The following MYOM1 variants were observed in gnomAD, a reference collection of about 807,000 sequenced individuals.
MYOM1 encodes the protein myomesin 1.
In MYOM1, 164 loss-of-function variants were observed where a neutral mutation model predicts 205.3. The observed-to-expected ratio is 0.80, with a 90% CI of 0.70 to 0.91. MYOM1 has a LOEUF of 0.91. Ranked by LOEUF, MYOM1 falls within the 40% of genes least tolerant of loss-of-function variation. The probability of loss-of-function intolerance (pLI) is 0.00; values close to 1 mark genes in which losing one functional copy is unlikely to be tolerated. For synonymous variants in MYOM1, 772 were observed against 789.4 expected (o/e 0.98, Z 0.37); for missense variants, 2,011 against 2,127.3 (o/e 0.95, Z 1.08).
intron 2 of MYOM1, among the ~76,000 whole-genome samples, chr18:3,207,629 T>A (rs2081140519): frequency 6.6e-6 from 1 of 152,192 alleles, no homozygotes; most frequent in African/African-American, 2.4e-5. Context: ...AAGGCACCCT[T>A]GGGCTTCCAG....
intron 2 of MYOM1, among the ~76,000 whole-genome samples, chr18:3,207,975 C>T (rs1004662769): frequency 6.6e-6 from 1 of 152,172 alleles, no homozygotes. Flanking sequence ...CTTTCTGGGC[C>T]TCAGTCTACA....
intron 25 of MYOM1, among the ~76,000 whole-genome samples, chr18:3,099,071 G>A (rs375299635): frequency 2.6e-5 from 4 of 152,206 alleles, no homozygotes; most frequent in African/African-American, 9.6e-5. Context: ...CTCTCGCTCC[G>A]GCCTCCCAAA....
intron 10 of MYOM1, among the ~76,000 whole-genome samples, chr18:3,157,186 G>A (rs946407167): frequency 6.6e-6 from 1 of 152,182 alleles, no homozygotes; most frequent in African/African-American, 2.4e-5. Context: ...ATAGATGCAC[G>A]ATGGCAGGAA....
intron 5 of MYOM1, among the ~76,000 whole-genome samples, chr18:3,180,655 G>T (rs2080716180): frequency 6.6e-6 from 1 of 152,156 alleles, no homozygotes; most frequent in Non-Finnish European, 1.5e-5. Flanking sequence ...AAATCCCTGT[G>T]AATATTCAGA....
In MYOM1 at chr18:3,090,685, G is replaced by T. The variant is rs376167744; in HGVS notation, c.3982C>A (p.His1328Asn). ...FQLQDGKATNHSTVVLVGDVF... is the reference protein window; with the variant it reads ...FQLQDGKATNNSTVVLVGDVF... ...TCTCCAACGAGAACAACAGTAGAAT[G>T]GTTAGTTGCTTTTCCATCTTGAAGC... Residue 1328 changes from histidine (H) to asparagine (N), a missense_variant, in exon 27 of 38, where the codon CAT (histidine) becomes AAT (asparagine). Transcript: ENST00000356443. 1.7e-5 allele frequency: 27 copies of T among 1,613,822 alleles called. No individual in the cohort carries two copies. The Middle Eastern group carries it at 9.9e-4, about 59-fold the overall frequency.
chr18:3,096,820 T>C (rs1255662875), intron 25 of MYOM1, among the ~76,000 whole-genome samples: 3 of 151,812 alleles, frequency 2.0e-5, no homozygotes, highest in Non-Finnish European at 4.4e-5. Flanking sequence ...TCAAAATACC[T>C]TGAATTCTTG....
At chr18:3,197,668 T>C (rs1207154462) in intron 2 of MYOM1, among the ~76,000 whole-genome samples, 1 of 151,700 alleles carries the variant, frequency 6.6e-6, no homozygotes, top group Non-Finnish European at 1.5e-5. Context: ...GGTCAGGAGA[T>C]CGAGACCATC....
rs747062626 is a variant in MYOM1 at position 3,094,209 on chromosome 18, G to A, written c.3825C>T (p.Val1275=). Residue 1275 remains valine, a synonymous_variant, in exon 26 of 38, where the codon GTC becomes GTT. Coordinates refer to ENST00000356443, the MANE Select transcript of MYOM1 (RefSeq NM_003803.4). ...QAEKLSGNAK[V]NYIFNEKEIF... ...TTTCCTTCTCGTTAAATATGTAGTT[G>A]ACTTTGGCATTGCCAGACAGTTTCT... is the stretch of plus-strand genomic sequence containing the variant. 2 of 1,613,948 alleles carry A rather than the reference G, an allele frequency of 1.2e-6. No individual in the cohort carries two copies. The highest frequency in any genetic ancestry group is 1.1e-5 in the South Asian group (1 of 91,080).
intron 9 of MYOM1, among the ~76,000 whole-genome samples, chr18:3,166,524 G>C (rs2080474943): frequency 6.6e-6 from 1 of 151,822 alleles, no homozygotes; most frequent in African/African-American, 2.4e-5. Context: ...GACCTCAAGT[G>C]ATCTGCCCAC....
the MYOM1 span, among the ~76,000 whole-genome samples, chr18:3,240,177 C>T: frequency 3.9e-5 from 6 of 152,114 alleles, no homozygotes; most frequent in Admixed American, 1.3e-4. Flanking sequence ...TATTCATTAA[C>T]GAACTATTAT....
intron 34 of MYOM1, 36 bp from the exon 35 acceptor site, chr18:3,075,797 C>T: frequency 1.3e-6 from 2 of 1,539,116 alleles, no homozygotes; most frequent in South Asian, 1.2e-5. Flanking sequence ...AATTTTCTCA[C>T]CCAGAATTGA....
At chr18:3,118,821 T>C (rs1179599981) in intron 20 of MYOM1, among the ~76,000 whole-genome samples, 1 of 152,168 alleles carries the variant, frequency 6.6e-6, no homozygotes, top group Non-Finnish European at 1.5e-5. Flanking sequence ...AAGAGCAATG[T>C]GTTTGTCTCT....
At chr18:3,090,217 A>ATTTTTT (rs71159040) in intron 27 of MYOM1, among the ~76,000 whole-genome samples, 3 of 124,604 alleles carry the variant, frequency 2.4e-5, no homozygotes, top group Non-Finnish European at 1.6e-5. Flanking sequence ...TGAAAACTGT[A>ATTTTTT]TTTTTTTTTT....
chr18:3,083,413 TTCTTTTTCTTTTTC>T (rs1191460277), intron 33 of MYOM1, among the ~76,000 whole-genome samples: 55 of 93,666 alleles, frequency 5.9e-4, no homozygotes, highest in African/African-American at 2.1e-3. Context: ...CTTTTCTTTT[TTCTTTTTCTTTTTC>T]TTTTTTTTTT....
At chr18:3,136,135 C>A (rs569998261) in intron 14 of MYOM1, among the ~76,000 whole-genome samples, 2 of 145,188 alleles carry the variant, frequency 1.4e-5, no homozygotes, top group South Asian at 4.4e-4. Context: ...GTCTTGCCTG[C>A]CACCGTGTAA....
chr18:3,122,180 G>GT (rs71366636), intron 19 of MYOM1, among the ~76,000 whole-genome samples: 34,166 of 138,400 alleles, frequency 0.25, 4,369 homozygotes, highest in African/African-American at 0.37. Flanking sequence ...TAAGATATTA[G>GT]TTTTTTTTTT....
Position 3,131,060 on chromosome 18 carries a change from C to T in MYOM1, c.2506+315G>A, listed in dbSNP as rs952990962. Among the ~76,000 whole-genome samples, 8 of 152,298 alleles carry T rather than the reference C, an allele frequency of 5.3e-5. No individual in the cohort carries two copies. The East Asian group carries it at 5.8e-4, about 11-fold the overall frequency. On this transcript the variant is annotated intron_variant, in intron 17 of 37. Transcript: ENST00000356443. ...TGGGTGATATACCACTTCATGGAAT[C>T]GGAATGGCCCTTCACAGTCCCAGGA...
intron 28 of MYOM1, 136 bp downstream of exon 28, chr18:3,089,401 A>C (rs2079193621): frequency 2.6e-6 from 2 of 780,910 alleles, no homozygotes; most frequent in Non-Finnish European, 4.0e-6. Flanking sequence ...AACAGTAAAT[A>C]TTTTTAATTA....
intron 10 of MYOM1, among the ~76,000 whole-genome samples, chr18:3,162,193 C>T (rs1168353797): frequency 6.6e-6 from 1 of 152,088 alleles, no homozygotes; most frequent in Non-Finnish European, 1.5e-5. Context: ...GCCTGCCTTC[C>T]TGAGGCGAGC....
Sources: gnomAD v4.1 joint callset for allele counts (sites outside exome capture counted in the v4.1 genomes callset) on GRCh38, gnomAD v4.1.1 for gene constraint, MANE v1.5 for transcripts, NCBI Gene and HGNC (gene_info 2026-07-23, HGNC 2026-07-21) for gene names.